The following XYLB variants were observed in gnomAD, a reference collection of about 807,000 sequenced individuals.
The protein encoded by XYLB is xylulose kinase.
XYLB carries 62 observed loss-of-function variants against 78.7 expected under a neutral mutation model. The observed-to-expected ratio is 0.79, with a 90% CI of 0.64 to 0.97. The LOEUF is 0.97. XYLB is among the 50% of genes least tolerant of loss of function. XYLB has a pLI of 0.00. For synonymous variants in XYLB, 245 were observed against 247.4 expected, an observed-to-expected ratio of 0.99 and a Z score of 0.09; for missense variants, 687 against 676.8, an observed-to-expected ratio of 1.02 and a Z score of -0.17.
intron 18 of XYLB, among the ~76,000 whole-genome samples, chr3:38,408,177 A>C (rs1179219942): frequency 1.8e-4 from 27 of 149,856 alleles, no homozygotes; most frequent in East Asian, 7.9e-4. Flanking sequence ...AAATTATAAC[A>C]AACTGTCTCT....
rs139762310 is a variant in XYLB, at chr3:38,390,865, A to T, written c.1292-4640A>T. ...ATCATGTATACAGTAGAGTATATGT[A>T]TCTTACAGCAAGTTATAAAACATAT... On this transcript the variant is annotated intron_variant, in intron 15 of 18. Transcript: ENST00000207870. Among the ~76,000 whole-genome samples the T allele has an allele frequency of 9.7e-4, 147 of 152,296 alleles. 1 individual carries two copies. In the East Asian group the frequency reaches 0.028, roughly 29 times the overall value.
intron 15 of XYLB, among the ~76,000 whole-genome samples, chr3:38,391,233 ACAAC>A (rs1363777226): frequency 0.048 from 90 of 1,894 alleles, no homozygotes; most frequent in African/African-American, 0.062. Context: ...AACAACAACA[ACAAC>A]AAAAAAAAAG....
chr3:38,360,289 T>A (rs753426263), intron 2 of XYLB, 50 bp from the exon 3 acceptor site: 1 of 1,554,948 alleles, frequency 6.4e-7, no homozygotes, highest in Admixed American at 1.7e-5. Flanking sequence ...GGCTTTGCAA[T>A]GGTCTGCCTG....
At chr3:38,398,041 A>T (rs1263492225) in intron 17 of XYLB, among the ~76,000 whole-genome samples, 1 of 151,222 alleles carries the variant, frequency 6.6e-6, no homozygotes, top group Non-Finnish European at 1.5e-5. Context: ...GATGGTCTCG[A>T]TCTCCTGACT....
chr3:38,433,896 A>T, the XYLB span, among the ~76,000 whole-genome samples: 1 of 152,190 alleles, frequency 6.6e-6, no homozygotes, highest in Non-Finnish European at 1.5e-5. Context: ...AATTTACCCT[A>T]TTAGGCTGTT....
intron 3 of XYLB, 30 bp from the exon 4 acceptor site, chr3:38,362,907 A>G (rs756343443): frequency 8.7e-6 from 13 of 1,501,564 alleles, no homozygotes; most frequent in Non-Finnish European, 3.6e-6. Context: ...GGTTCTGTAC[A>G]GTCATGGTGG....
chr3:38,409,879 A>G (rs1466898453), intron 18 of XYLB, among the ~76,000 whole-genome samples: 1 of 152,224 alleles, frequency 6.6e-6, no homozygotes, highest in Non-Finnish European at 1.5e-5. Flanking sequence ...CAATGAAATA[A>G]AAGAGGTTAC....
intron 18 of XYLB, 66 bp downstream of exon 18, chr3:38,401,051 C>T (rs750216524): frequency 7.1e-7 from 1 of 1,401,792 alleles, no homozygotes; most frequent in Non-Finnish European, 1.0e-6. Flanking sequence ...TTTTTTCCCC[C>T]ACCAAAAGGT....
At chr3:38,368,379 C>T in intron 8 of XYLB, 122 bp downstream of exon 8, 1 of 850,550 alleles carries the variant, frequency 1.2e-6, no homozygotes, top group Non-Finnish European at 2.0e-6. Flanking sequence ...CATCTGTTGC[C>T]AGGAAGGAAG....
At chr3:38,443,350 C>A in the XYLB span, among the ~76,000 whole-genome samples, 2,482 of 152,292 alleles carry the variant, frequency 0.016, 35 homozygotes, top group Non-Finnish European at 0.022. Flanking sequence ...GAACATTTGT[C>A]CTCTGGGGCA....
downstream of XYLB, among the ~76,000 whole-genome samples, chr3:38,415,692 AGAATTGCT>A (rs940409353): frequency 6.6e-6 from 1 of 152,154 alleles, no homozygotes; most frequent in African/African-American, 2.4e-5. Context: ...CTGAGGCACG[AGAATTGCT>A]TGAACCCGGG....
chr3:38,398,680 T>TG (rs1559611798), intron 17 of XYLB, among the ~76,000 whole-genome samples: 4 of 143,130 alleles, frequency 2.8e-5, no homozygotes, highest in East Asian at 4.3e-4. Flanking sequence ...CTGCCTGCCT[T>TG]CCTTCCTTCC....
chr3:38,379,572 A>G (rs1162129060), intron 15 of XYLB, among the ~76,000 whole-genome samples: 1 of 152,214 alleles, frequency 6.6e-6, no homozygotes, highest in Non-Finnish European at 1.5e-5. Context: ...TGTGTCCACA[A>G]TAGCCTGACC....
chr3:38,365,625 C>T lies in XYLB; in HGVS notation c.396C>T (p.Ser132=), dbSNP rs765148864. The T allele has an allele frequency of 1.1e-5, 18 of 1,612,744 alleles. No homozygotes were observed. The highest frequency in any genetic ancestry group is 1.7e-4 in the Middle Eastern group (1 of 6,052). ...HQQLQDCFSI[S]DCPVWMDSST... ...CTTCCCAGGACTGTTTCTCCATCAG[C>T]GACTGCCCGGTGTGGATGGACTCCA... is the stretch of plus-strand genomic sequence containing the variant. The change falls in exon 6 of 19, where the codon AGC becomes AGT. Residue 132 remains serine, a synonymous_variant. Coordinates refer to ENST00000207870, the MANE Select transcript of XYLB (RefSeq NM_005108.4).
the XYLB span, among the ~76,000 whole-genome samples, chr3:38,436,348 T>C: frequency 6.6e-6 from 1 of 152,128 alleles, no homozygotes; most frequent in African/African-American, 2.4e-5. Flanking sequence ...TCTGGACACA[T>C]ACAACCTACC....
chr3:38,386,934 C>T (rs1260357078), intron 15 of XYLB, among the ~76,000 whole-genome samples: 1 of 152,186 alleles, frequency 6.6e-6, no homozygotes, highest in Non-Finnish European at 1.5e-5. Context: ...ACTTTCAGCA[C>T]TCTGAAAATG....
chr3:38,438,556 C>T, the XYLB span, among the ~76,000 whole-genome samples: 9 of 152,296 alleles, frequency 5.9e-5, no homozygotes, highest in Middle Eastern at 3.4e-3. Context: ...ATAGTGTTTC[C>T]GGAGTTGGTT....
At chr3:38,360,645 G>C (rs1457856460) in intron 3 of XYLB, among the ~76,000 whole-genome samples, 4 of 152,238 alleles carry the variant, frequency 2.6e-5, no homozygotes. Context: ...ACAGCAGATG[G>C]CAAGTCCTGC....
chr3:38,362,929 C>T lies in XYLB; in HGVS notation c.211-8C>T, dbSNP rs746949033. The T allele has an allele frequency of 1.9e-6, 3 of 1,561,324 alleles. No individual in the cohort carries two copies. In the Admixed American group the frequency reaches 5.8e-5, roughly 30 times the overall value. Reference sequence around the variant, plus strand: ...TACAGTCATGGTGGGTTCTGTTTTTCTTCTTAGGCACTGGATATCATCTTG... The same window carrying T: ...TACAGTCATGGTGGGTTCTGTTTTTTTTCTTAGGCACTGGATATCATCTTG... On this transcript the variant is annotated splice_region_variant and splice_polypyrimidine_tract_variant and intron_variant, in intron 3 of 18. Transcript: ENST00000207870.
Sources: gnomAD v4.1 joint callset for allele counts (sites outside exome capture counted in the v4.1 genomes callset) on GRCh38, gnomAD v4.1.1 for gene constraint, MANE v1.5 for transcripts, NCBI Gene and HGNC (gene_info 2026-07-23, HGNC 2026-07-21) for gene names.